The following CFLAR variants were observed in gnomAD, a reference collection of about 807,000 sequenced individuals.
CFLAR encodes CASP8 and FADD like apoptosis regulator, also known as CASP8 and FADD-like apoptosis regulator.
CFLAR carries 14 observed loss-of-function variants against 51.1 expected under a neutral mutation model. The ratio of observed to expected loss-of-function variants is 0.27; its 90% CI spans 0.18 to 0.43. The LOEUF is 0.43. Among genes scored for constraint, CFLAR ranks in the 20% least tolerant of loss-of-function variants. The pLI is 1.00. For synonymous variants in CFLAR, 210 were observed against 211.6 expected (o/e 0.99, Z 0.06); for missense variants, 390 against 566.5 (o/e 0.69, Z 3.16).
chr2:201,127,654 G>C (rs2048836958), intron 1 of CFLAR, among the ~76,000 whole-genome samples: 1 of 152,206 alleles, frequency 6.6e-6, no homozygotes, highest in Non-Finnish European at 1.5e-5. Flanking sequence ...TCTAGCCACA[G>C]TGAACTGCCT....
chr2:201,136,299 C>G, intron 4 of CFLAR, 192 bp downstream of exon 4: 1 of 1,599,170 alleles, frequency 6.3e-7, no homozygotes, highest in Non-Finnish European at 8.5e-7. Context: ...AACTCCATTG[C>G]CCTGTATATT....
intron 2 of CFLAR, 37 bp downstream of exon 2, chr2:201,130,183 G>GT: frequency 4.7e-6 from 4 of 854,244 alleles, no homozygotes; most frequent in Non-Finnish European, 6.6e-6. Context: ...GGGTGGGTGG[G>GT]AGGGAGTGAA....
At chr2:201,161,094 A>G (rs1049960776) in intron 9 of CFLAR, 152 bp downstream of exon 9, 1 of 595,966 alleles carries the variant, frequency 1.7e-6, no homozygotes, top group Non-Finnish European at 3.0e-6. Flanking sequence ...GGACTACAGT[A>G]TAGACCCGGC....
Position 201,173,533 on chromosome 2 carries a change from G to A in CFLAR, c.*9560G>A, listed in dbSNP as rs1483881737. Reference sequence around the variant, plus strand: ...ATTTTTGTATTTTTAGTAAAGACAGGGTTTCACCATGTTGGCCAGGCTGGT... The same window carrying A: ...ATTTTTGTATTTTTAGTAAAGACAGAGTTTCACCATGTTGGCCAGGCTGGT... On this transcript the variant is annotated 3_prime_UTR_variant, in exon 10 of 10. Transcript: ENST00000309955. The A allele has an allele frequency of 6.6e-6, 1 of 152,134 alleles. No individual in the cohort carries two copies. Among genetic ancestry groups the A allele is most frequent in the Non-Finnish European group, 1.5e-5 (1 of 68,110 alleles). 9.4% of individuals were successfully genotyped at this position (152,134 alleles called of 1,614,324 possible).
At chr2:201,148,838 C>T in intron 6 of CFLAR, 165 bp from the exon 7 acceptor site, 1 of 555,124 alleles carries the variant, frequency 1.8e-6, no homozygotes, top group Non-Finnish European at 3.3e-6. Context: ...TCACTTTCTT[C>T]AGTGTGAGGT....
chr2:201,130,147 GTAATTCATCAACTCTTCCTGAGGCT>G lies in CFLAR; in HGVS notation c.281+2_281+26del. 1 of 869,050 alleles carries G rather than the reference GTAATTCATCAACTCTTCCTGAGGCT, an allele frequency of 1.2e-6. No individual in the cohort carries two copies. The highest frequency in any genetic ancestry group is 1.6e-6 in the Non-Finnish European group (1 of 615,072). 53.8% of individuals were successfully genotyped at this position (869,050 alleles called of 1,614,324 possible). On this transcript the variant is annotated splice_donor_variant and splice_donor_5th_base_variant and intron_variant, in intron 2 of 9. Coordinates refer to ENST00000309955, the MANE Select transcript of CFLAR (RefSeq NM_003879.7). LOFTEE classifies it high-confidence loss of function. Reference sequence around the variant, plus strand: ...ACCCTCACCTTGTTTCGGACTATAGGTAATTCATCAACTCTTCCTGAGGCTGGGTGGGTGGGAGGGAGTGAAGTGT... The same window carrying G: ...ACCCTCACCTTGTTTCGGACTATAGGGGGTGGGTGGGAGGGAGTGAAGTGT...
chr2:201,172,593 GAAACAA>G lies in CFLAR; in HGVS notation c.*8621_*8626del, dbSNP rs1044810964. ...AATCCTCCTCTTCCCCCAGCCTCTA[GAAACAA>G]TAATCCATTTTCTGTCTCTATGATT... On this transcript the variant is annotated 3_prime_UTR_variant, in exon 10 of 10. Coordinates refer to ENST00000309955, the MANE Select transcript of CFLAR (RefSeq NM_003879.7). 1.3e-5 allele frequency: 2 copies of G among 152,106 alleles called. No homozygotes were observed. Among genetic ancestry groups the G allele is most frequent in the Admixed American group, 1.3e-4 (2 of 15,262 alleles). 9.4% of individuals were successfully genotyped at this position (152,106 alleles called of 1,614,324 possible). A position where few individuals can be genotyped will look rare whatever the true frequency, so the allele number is the denominator to read the frequency against.
At chr2:201,133,255 C>A in intron 3 of CFLAR, 121 bp downstream of exon 3, 1 of 661,544 alleles carries the variant, frequency 1.5e-6, no homozygotes, top group South Asian at 1.8e-5. Context: ...TCAGACATCT[C>A]AGGTGGCTTT....
At position 201,124,172 on chromosome 2, in the gene CFLAR, A is replaced by G. The variant is rs181001378; in HGVS notation, c.-137-5557A>G. On this transcript the variant is annotated intron_variant, in intron 1 of 9. Transcript: ENST00000309955. This position sits in a 1 kb window ranked among gnomAD's most constrained non-coding sequence, Gnocchi z 4.7. ...TGCTTTGCTACTGATTACAGGGAACAATATGTGCCTTTGTTACCAGATAGT... is the reference window on the plus strand; with the variant it reads ...TGCTTTGCTACTGATTACAGGGAACGATATGTGCCTTTGTTACCAGATAGT... Among the ~76,000 whole-genome samples the G allele has an allele frequency of 2.4e-3, 366 of 152,320 alleles. 2 individuals carry two copies. Among genetic ancestry groups the G allele is most frequent in the Non-Finnish European group, 4.3e-3 (294 of 68,036 alleles).
intron 1 of CFLAR, among the ~76,000 whole-genome samples, chr2:201,125,110 T>C (rs181572628): frequency 6.6e-6 from 1 of 152,212 alleles, no homozygotes; most frequent in East Asian, 1.9e-4. Flanking sequence ...AAAACAGACA[T>C]AAATGCAAAA....
intron 8 of CFLAR, chr2:201,153,001 A>G (rs2125876664): frequency 6.6e-6 from 1 of 152,406 alleles, no homozygotes; most frequent in South Asian, 2.1e-4. Context: ...GCAGCTCTAG[A>G]CAGCAGGTCC....
chr2:201,133,746 C>T (rs568588051), intron 3 of CFLAR, among the ~76,000 whole-genome samples: 3 of 151,648 alleles, frequency 2.0e-5, no homozygotes, highest in African/African-American at 7.3e-5. Flanking sequence ...CTGGCTAACA[C>T]GGTGAAACCC....
chr2:201,149,860 C>T (rs200154533), intron 8 of CFLAR, 25 bp downstream of exon 8: 11 of 1,556,472 alleles, frequency 7.1e-6, no homozygotes, highest in Non-Finnish European at 8.0e-6. Flanking sequence ...TGCAGATTAA[C>T]TGGTGCCCCC....
rs534715307 is a variant in CFLAR, at chr2:201,142,196, G to A, written c.606+1757G>A. ...GGCTGAGGTGGGAGAAATTGCTTGA[G>A]CCTGGGAGGTTGAGGCTGCAGTGAG... On this transcript the variant is annotated intron_variant, in intron 5 of 9. Coordinates refer to ENST00000309955, the MANE Select transcript of CFLAR (RefSeq NM_003879.7). Among the ~76,000 whole-genome samples the A allele has an allele frequency of 2.6e-5, 4 of 152,038 alleles. No individual in the cohort carries two copies. The East Asian group carries it at 7.7e-4, about 29-fold the overall frequency.
chr2:201,144,562 A>G (rs1191775158), intron 5 of CFLAR, among the ~76,000 whole-genome samples: 1 of 152,238 alleles, frequency 6.6e-6, no homozygotes, highest in Non-Finnish European at 1.5e-5. Flanking sequence ...CATTTAGCAT[A>G]TGAAGAAACA....
At chr2:201,161,855 T>G (rs1317217439) in intron 9 of CFLAR, among the ~76,000 whole-genome samples, 1 of 147,078 alleles carries the variant, frequency 6.8e-6, no homozygotes, top group South Asian at 2.2e-4. Context: ...CCAGTGATTC[T>G]CCTGCCTCAG....
At position 201,144,278 on chromosome 2, in the gene CFLAR, G is replaced by A. The variant is rs1939642481; in HGVS notation, c.607-1100G>A. 2.0e-5 allele frequency: 3 copies of A among 152,330 alleles called. No homozygotes were observed. In the South Asian group the frequency reaches 6.2e-4, roughly 32 times the overall value. The allele number at this position is 152,330 out of a possible 1,614,324, so 9.4% of individuals were successfully genotyped here. On this transcript the variant is annotated intron_variant, in intron 5 of 9. Transcript: ENST00000309955. The stretch of plus-strand genomic sequence containing the variant: ...CAGATGGGTTGACAGCATGTGGTAT[G>A]TGTATCTTACATAGGACCTGTCATC...
intron 1 of CFLAR, among the ~76,000 whole-genome samples, chr2:201,125,197 T>G (rs2048564770): frequency 6.6e-6 from 1 of 152,220 alleles, no homozygotes; most frequent in East Asian, 1.9e-4. Flanking sequence ...TTGCCTCAGA[T>G]TCCAGTATGG....
chr2:201,120,235 G>T (rs1265744819), intron 1 of CFLAR, among the ~76,000 whole-genome samples: 1 of 151,354 alleles, frequency 6.6e-6, no homozygotes, highest in African/African-American at 2.4e-5. Flanking sequence ...ACCCAGGCTG[G>T]AGTGCAGTGG....
Sources: gnomAD v4.1 joint callset for allele counts (sites outside exome capture counted in the v4.1 genomes callset) on GRCh38, gnomAD v4.1.1 for gene constraint, Gnocchi (gnomAD v3.1) non-coding constraint, MANE v1.5 for transcripts, NCBI Gene and HGNC (gene_info 2026-07-23, HGNC 2026-07-21) for gene names.